CCL3L3: variants seen among roughly 807,000 people sequenced by gnomAD.
CCL3L3 encodes the protein C-C motif chemokine ligand 3 like 3.
A neutral mutation model predicts 9.0 loss-of-function variants in CCL3L3; 6 were observed. That is an observed-to-expected ratio of 0.67 (90% CI 0.37 to 1.32). The LOEUF is 1.32. Among genes scored for constraint, CCL3L3 ranks in the 40% most tolerant of loss-of-function variants. The pLI, the probability that CCL3L3 is intolerant of heterozygous loss-of-function variation, is 0.02. For synonymous variants in CCL3L3, 38 were observed against 45.7 expected (o/e 0.83, Z 0.68); for missense variants, 93 against 117.0 (o/e 0.79, Z 0.95).
chr17:36,195,997 G>A (rs1264122469), intron 1 of CCL3L3, 85 bp from the exon 2 acceptor site: 2 of 1,329,786 alleles, frequency 1.5e-6, no homozygotes, highest in Non-Finnish European at 2.0e-6. Flanking sequence ...GTTGAGGAGG[G>A]CAGGCTTGCT....
At chr17:36,196,089 G>T in intron 1 of CCL3L3, 177 bp from the exon 2 acceptor site, 1 of 750,862 alleles carries the variant, frequency 1.3e-6, no homozygotes, top group Non-Finnish European at 2.3e-6. Context: ...CTTTCCCCTT[G>T]ACTCTTCATA....
At chr17:36,195,548 G>A in intron 2 of CCL3L3, 172 bp from the exon 3 acceptor site, 2 of 1,103,640 alleles carry the variant, frequency 1.8e-6, no homozygotes, top group Non-Finnish European at 2.8e-6. Flanking sequence ...CTCCAGGCAA[G>A]GGGGCCCTCA....
intron 2 of CCL3L3, 120 bp downstream of exon 2, chr17:36,195,678 C>T (rs1305452081): frequency 6.7e-6 from 9 of 1,346,292 alleles, no homozygotes; most frequent in Middle Eastern, 2.5e-4. Flanking sequence ...TGCCCTGCGT[C>T]CTGTATCCCC....
At chr17:36,195,443 C>A in intron 2 of CCL3L3, 67 bp from the exon 3 acceptor site, 3 of 1,536,606 alleles carry the variant, frequency 2.0e-6, no homozygotes, top group Admixed American at 3.4e-5. Flanking sequence ...CCCACCATGG[C>A]CCTGACATCC....
chr17:36,196,075 T>C (rs2068618104), intron 1 of CCL3L3, 163 bp from the exon 2 acceptor site: 1 of 828,302 alleles, frequency 1.2e-6, no homozygotes, highest in South Asian at 1.5e-5. Context: ...CTGTCTATAT[T>C]CCTCTTTCCC....
chr17:36,196,373 G>A lies in CCL3L3; in HGVS notation c.76+225C>T, dbSNP rs1199360859. The A allele has an allele frequency of 1.7e-5, 12 of 720,204 alleles. No individual in the cohort carries two copies. In the African/African-American group the frequency reaches 2.0e-4, roughly 12 times the overall value. 44.6% of individuals were successfully genotyped at this position (720,204 alleles called of 1,614,324 possible). A position where few individuals can be genotyped will look rare whatever the true frequency, so the allele number is the denominator to read the frequency against. On this transcript the variant is annotated intron_variant, in intron 1 of 2. Coordinates refer to ENST00000619989, the MANE Select transcript of CCL3L3 (RefSeq NM_001001437.4). The stretch of plus-strand genomic sequence containing the variant: ...TGTTTTTCTATCTGTACAAGGGACT[G>A]TAACTCCCCTGCCCCTGCCTAGATT...
chr17:36,195,281 A>G lies in CCL3L3; in HGVS notation c.*5T>C. 4 of 1,581,830 alleles carry G rather than the reference A, an allele frequency of 2.5e-6. 1 individual carries two copies. The highest frequency in any genetic ancestry group is 3.5e-6 in the Non-Finnish European group (4 of 1,157,216). On this transcript the variant is annotated 3_prime_UTR_variant, in exon 3 of 3. Transcript: ENST00000619989. ...GGTCGCTGGGCCTCGAAGCTTCTGG[A>G]CCCCTCAGGCACTCAGCTCCAGGTC...
Position 36,195,179 on chromosome 17 carries a change from A to G in CCL3L3, c.*107T>C, listed in dbSNP as rs1319821435. ...GTGGCTGTTTGGCAATAACCAGTCC[A>G]TAGAAGAGGTAGCTGTGGAGGTCAC... On this transcript the variant is annotated 3_prime_UTR_variant, in exon 3 of 3. Transcript: ENST00000619989. The G allele has an allele frequency of 3.1e-6, 4 of 1,295,340 alleles. No individual in the cohort carries two copies. The highest frequency in any genetic ancestry group is 4.5e-6 in the Non-Finnish European group (4 of 890,850). 80.2% of individuals were successfully genotyped at this position (1,295,340 alleles called of 1,614,324 possible).
At position 36,195,539 on chromosome 17, in the gene CCL3L3, TC is replaced by T. The variant is rs1450243571; in HGVS notation, c.192-164del. The T allele has an allele frequency of 8.0e-5, 91 of 1,138,320 alleles. 8 individuals are homozygous for T. The highest frequency in any genetic ancestry group is 1.1e-4 in the Non-Finnish European group (83 of 750,172). The allele number at this position is 1,138,320 out of a possible 1,614,324, so 70.5% of individuals were successfully genotyped here. ...CGTCTAGAGAGCTTCTCTCAGTGAC[TC>T]CAGGCAAGGGGGCCCTCAGAGTGTC... On this transcript the variant is annotated intron_variant, in intron 2 of 2. Transcript: ENST00000619989.
chr17:36,196,515 G>C lies in CCL3L3; in HGVS notation c.76+83C>G. The C allele has an allele frequency of 2.8e-6, 4 of 1,454,150 alleles. No individual in the cohort carries two copies. In the East Asian group the frequency reaches 9.0e-5, roughly 33 times the overall value. The allele number at this position is 1,454,150 out of a possible 1,614,324, so 90.1% of individuals were successfully genotyped here. A position where few individuals can be genotyped will look rare whatever the true frequency, so the allele number is the denominator to read the frequency against. On this transcript the variant is annotated intron_variant, in intron 1 of 2. Transcript: ENST00000619989. ...AAGAACTTCCTTCTTTTCTCTTCGG[G>C]GCTCTCAGGCCACAAAAAAAGACTG...
Position 36,195,951 on chromosome 17 carries a change from A to G in CCL3L3, c.77-39T>C, listed in dbSNP as rs1218392733. 3.2e-5 allele frequency: 38 copies of G among 1,200,800 alleles called. No individual in the cohort carries two copies. The African/African-American group carries it at 7.3e-4, about 23-fold the overall frequency. 74.4% of individuals were successfully genotyped at this position (1,200,800 alleles called of 1,614,324 possible). On this transcript the variant is annotated intron_variant, in intron 1 of 2. Transcript: ENST00000619989. ...AGAGAATAAGCCCGAGTCACAGCTC[A>G]GAAGAAAAGGCCAGGCAGCTTCTGA...
Position 36,195,392 on chromosome 17 carries a change from G to A in CCL3L3, c.192-16C>T. ...GGTTAGGAAGCTGTGGAGAAGGGAG[G>A]AAGAGTTAAGCACTGGGGAATCCAG... On this transcript the variant is annotated splice_polypyrimidine_tract_variant and intron_variant, in intron 2 of 2. Coordinates refer to ENST00000619989, the MANE Select transcript of CCL3L3 (RefSeq NM_001001437.4). 1.3e-6 allele frequency: 2 copies of A among 1,581,580 alleles called. No individual in the cohort carries two copies. Among genetic ancestry groups the A allele is most frequent in the South Asian group, 2.2e-5 (2 of 89,156 alleles).
In CCL3L3 at chr17:36,195,418, C is replaced by T; in HGVS notation, c.192-42G>A. ...AAGAGTTAAGCACTGGGGAATCCAGCCGGGGAATCCTGGGCCCACCATGGC... is the reference window on the plus strand; with the variant it reads ...AAGAGTTAAGCACTGGGGAATCCAGTCGGGGAATCCTGGGCCCACCATGGC... On this transcript the variant is annotated intron_variant, in intron 2 of 2. Transcript: ENST00000619989. The T allele has an allele frequency of 2.6e-6, 4 of 1,516,954 alleles. No individual in the cohort carries two copies. The South Asian group carries it at 5.2e-5, about 20-fold the overall frequency. 94.0% of individuals were successfully genotyped at this position (1,516,954 alleles called of 1,614,324 possible).
In CCL3L3 at chr17:36,196,440, A is replaced by G. The variant is rs1373760714; in HGVS notation, c.76+158T>C. 16 of 970,340 alleles carry G rather than the reference A, an allele frequency of 1.6e-5. 2 individuals carry two copies. The South Asian group carries it at 2.2e-4, about 13-fold the overall frequency. The allele number at this position is 970,340 out of a possible 1,614,324, so 60.1% of individuals were successfully genotyped here. ...AGGAGGGCTAAGACCCCTTCTAGAG[A>G]TAAAAATAAAAGTTGTGAAGAAAAA... On this transcript the variant is annotated intron_variant, in intron 1 of 2. Coordinates refer to ENST00000619989, the MANE Select transcript of CCL3L3 (RefSeq NM_001001437.4).
chr17:36,195,098 A>T lies in CCL3L3; in HGVS notation c.*188T>A, dbSNP rs200366356. Reference sequence around the variant, plus strand: ...CACACTGTGAAATCAAAAATAAATTATAAAAACTAAATAGTATAAATAAAT... The same window carrying T: ...CACACTGTGAAATCAAAAATAAATTTTAAAAACTAAATAGTATAAATAAAT... On this transcript the variant is annotated 3_prime_UTR_variant, in exon 3 of 3. Transcript: ENST00000619989. 1,001 of 639,900 alleles carry T rather than the reference A, an allele frequency of 1.6e-3. 7 individuals are homozygous for T. The East Asian group carries it at 0.028, about 18-fold the overall frequency. The allele number at this position is 639,900 out of a possible 1,614,324, so 39.6% of individuals were successfully genotyped here.
chr17:36,195,579 C>T, intron 2 of CCL3L3: 1 of 1,017,912 alleles, frequency 9.8e-7, no homozygotes, highest in East Asian at 2.4e-5. Context: ...CTGCCTCCTT[C>T]TTCCTGTCCC....
intron 1 of CCL3L3, 81 bp downstream of exon 1, chr17:36,196,517 C>T: frequency 6.8e-7 from 1 of 1,465,486 alleles, no homozygotes; most frequent in South Asian, 1.2e-5. Context: ...CTCTTCGGGG[C>T]TCTCAGGCCA....
chr17:36,195,341 T>C lies in CCL3L3; in HGVS notation c.227A>G (p.Asp76Gly). 2.5e-6 allele frequency: 4 copies of C among 1,582,424 alleles called. No homozygotes were observed. The South Asian group carries it at 4.5e-5, about 18-fold the overall frequency. The change falls in exon 3 of 3, where the codon GAC (aspartate) becomes GGC (glycine). Residue 76 changes from aspartate to glycine, a missense_variant. Asp to Gly is a moderately conservative substitution (Grantham distance 94, BLOSUM62 -1). Coordinates refer to ENST00000619989, the MANE Select transcript of CCL3L3 (RefSeq NM_001001437.4). Reference protein sequence around the residue: ...LTKRGRQVCADPSEEWVQKYV... With the variant: ...LTKRGRQVCAGPSEEWVQKYV... Reference sequence around the variant, plus strand: ...TTTCTGGACCCACTCCTCACTGGGGTCAGCACAGACCTGCCGGCCTCTCTT... The same window carrying C: ...TTTCTGGACCCACTCCTCACTGGGGCCAGCACAGACCTGCCGGCCTCTCTT...
At position 36,194,929 on chromosome 17, in the gene CCL3L3, G is replaced by C. The variant is rs2068604206; in HGVS notation, c.*357C>G. 1 of 279,026 alleles carries C rather than the reference G, an allele frequency of 3.6e-6. No homozygotes were observed. Among genetic ancestry groups the C allele is most frequent in the African/African-American group, 2.1e-5 (1 of 48,140 alleles). 17.3% of individuals were successfully genotyped at this position (279,026 alleles called of 1,614,324 possible). ...AGGCCGATCACAGCCCTGAACAAAA[G>C]CATCTGATACACATTTGTCAGTCTG... On this transcript the variant is annotated 3_prime_UTR_variant, in exon 3 of 3. Coordinates refer to ENST00000619989, the MANE Select transcript of CCL3L3 (RefSeq NM_001001437.4).
Sources: gnomAD v4.1 joint callset for allele counts on GRCh38, gnomAD v4.1.1 for gene constraint, MANE v1.5 for transcripts, NCBI Gene and HGNC (gene_info 2026-07-23, HGNC 2026-07-21) for gene names.